Variants in TEX14 observed in about 807,000 individuals in gnomAD.
TEX14 encodes the protein inactive serine/threonine-protein kinase TEX14.
TEX14 carries 168 observed loss-of-function variants against 178.6 expected under a neutral mutation model. The observed-to-expected ratio is 0.94, with a 90% CI of 0.83 to 1.07. The LOEUF is 1.07. Ranked by LOEUF, TEX14 falls within the 50% of genes least tolerant of loss-of-function variation. TEX14 has a pLI of 0.00. For synonymous variants in TEX14, 626 were observed against 634.1 expected (o/e 0.99, Z 0.19); for missense variants, 1,730 against 1,753.6 (o/e 0.99, Z 0.24).
At chr17:58,577,894 G>A (rs1009802766) in intron 20 of TEX14, among the ~76,000 whole-genome samples, 4 of 152,100 alleles carry the variant, frequency 2.6e-5, no homozygotes, top group Non-Finnish European at 4.4e-5. Context: ...AGGTGTGGGC[G>A]TGGGCGTGGG....
At chr17:58,689,307 G>C (rs2047653081) in intron 1 of TEX14, among the ~76,000 whole-genome samples, 1 of 151,956 alleles carries the variant, frequency 6.6e-6, no homozygotes, top group African/African-American at 2.4e-5. Flanking sequence ...TGCAACCTCT[G>C]CCTCCTGGGT....
chr17:58,609,400 C>A (rs1369097986), intron 10 of TEX14, among the ~76,000 whole-genome samples: 1 of 152,170 alleles, frequency 6.6e-6, no homozygotes, highest in African/African-American at 2.4e-5. Flanking sequence ...TGCGCCACCA[C>A]GCCTGGCTAA....
intron 13 of TEX14, 89 bp downstream of exon 13, chr17:58,601,717 C>T: frequency 1.7e-6 from 2 of 1,209,120 alleles, no homozygotes; most frequent in Non-Finnish European, 2.4e-6. Context: ...GTTACATCTA[C>T]AGTTTAGAGG....
At chr17:58,619,354 C>A (rs2045945033) in intron 5 of TEX14, among the ~76,000 whole-genome samples, 1 of 152,232 alleles carries the variant, frequency 6.6e-6, no homozygotes, top group African/African-American at 2.4e-5. Flanking sequence ...AAAACTAACT[C>A]TAGTCATCTA....
At chr17:58,580,601 C>T (rs750925078) in intron 19 of TEX14, among the ~76,000 whole-genome samples, 5 of 152,080 alleles carry the variant, frequency 3.3e-5, no homozygotes, top group Non-Finnish European at 7.4e-5. Flanking sequence ...TGAGCTACCG[C>T]GCCTGGCCTG....
At chr17:58,654,983 G>A (rs1012469591) in intron 1 of TEX14, among the ~76,000 whole-genome samples, 2 of 150,334 alleles carry the variant, frequency 1.3e-5, no homozygotes, top group South Asian at 4.2e-4. Context: ...GGTCTGCTGA[G>A]TTACTCCAAC....
chr17:58,620,602 G>A (rs1054167777), intron 5 of TEX14, among the ~76,000 whole-genome samples: 9 of 151,734 alleles, frequency 5.9e-5, no homozygotes, highest in Admixed American at 6.6e-5. Flanking sequence ...CAAGTGATTC[G>A]CCTGCCTCAG....
rs374631413 is a variant in TEX14, at chr17:58,599,485, G to A, written c.1860C>T (p.Phe620=). The change falls in exon 14 of 32, where the codon TTC becomes TTT. Residue 620 remains phenylalanine, a synonymous_variant. Transcript: ENST00000349033. The stretch of plus-strand genomic sequence containing the variant: ...AGCCTGAGTAGATCTCGTTGATTTC[G>A]AAACTGCAGAGGCTTGGCTGACCTG... ...PSTGQPSLCS[F]EINEIYSGCL... is the part of the protein sequence containing the mutation. The A allele has an allele frequency of 7.5e-6, 12 of 1,604,154 alleles. No homozygotes were observed. The highest frequency in any genetic ancestry group is 2.3e-5 in the East Asian group (1 of 44,444).
chr17:58,687,092 T>C (rs1388366996), intron 1 of TEX14, among the ~76,000 whole-genome samples: 1 of 151,988 alleles, frequency 6.6e-6, no homozygotes, highest in Non-Finnish European at 1.5e-5. Flanking sequence ...GGAGGCTCTA[T>C]GATCAAACAC....
chr17:58,651,953 T>C lies in TEX14; in HGVS notation c.49A>G (p.Thr17Ala). ...GCTTCCAGGGAGTCATTTCTTAAGG[T>C]ACCAAGTTGAACAGGACAGGGGACT... The part of the protein sequence containing the change: ...LPVPCPVQLG[T>A]LRNDSLEAQL... The change falls in exon 2 of 32, where the codon ACC (threonine) becomes GCC (alanine). Residue 17 changes from threonine (T) to alanine (A), a missense_variant. This residue lies in a region of TEX14 where 789 missense variants were observed against 681.2 expected (regional missense o/e 1.16). Coordinates refer to ENST00000349033, the MANE Select transcript of TEX14 (RefSeq NM_031272.5). 1 of 1,613,326 alleles carries C rather than the reference T, an allele frequency of 6.2e-7. No homozygotes were observed. Among genetic ancestry groups the C allele is most frequent in the Admixed American group, 1.7e-5 (1 of 59,720 alleles).
At chr17:58,639,839 G>A (rs1023620443) in intron 2 of TEX14, among the ~76,000 whole-genome samples, 1 of 152,182 alleles carries the variant, frequency 6.6e-6, no homozygotes. Context: ...CACCATGACC[G>A]TGGCAGGAAA....
intron 30 of TEX14, among the ~76,000 whole-genome samples, chr17:58,559,125 G>A (rs1351585470): frequency 2.0e-5 from 3 of 152,086 alleles, no homozygotes; most frequent in African/African-American, 4.8e-5. Flanking sequence ...AGCCGAGATC[G>A]TGCCACTGCA....
chr17:58,587,962 A>G lies in TEX14; in HGVS notation c.2636T>C (p.Leu879Pro). Residue 879 changes from leucine to proline, a missense_variant, in exon 16 of 32, where the codon CTC becomes CCC. Leu to Pro is a moderately conservative substitution (Grantham distance 98, BLOSUM62 -3). Around this residue, in one of 2 missense-constraint regions of TEX14, gnomAD observed 941 missense variants for 1,072.4 expected, o/e 0.88. Transcript: ENST00000349033. ...QAKATQFNSALFTLSSHRQGP... is the reference protein window; with the variant it reads ...QAKATQFNSAPFTLSSHRQGP... ...CTGCCGGTGGCTTGACAGAGTGAAG[A>G]GTGCACTATTAAACTGTGTGGCTTT... 2 of 1,610,518 alleles carry G rather than the reference A, an allele frequency of 1.2e-6. No individual in the cohort carries two copies. Among genetic ancestry groups the G allele is most frequent in the South Asian group, 1.1e-5 (1 of 91,006 alleles).
rs751055136 is a variant in TEX14, at chr17:58,593,656, C to T, written c.2475G>A (p.Pro825=). The T allele has an allele frequency of 5.0e-6, 8 of 1,613,834 alleles. No homozygotes were observed. The highest frequency in any genetic ancestry group is 3.3e-4 in the Middle Eastern group (2 of 6,058). The change falls in exon 15 of 32, where the codon CCG becomes CCA. Residue 825 remains proline, a synonymous_variant. Coordinates refer to ENST00000349033, the MANE Select transcript of TEX14 (RefSeq NM_031272.5). ...TCTGTTTTCCAGGGTCACAAAGAGT[C>T]GGCAGCTTAAAAAGCAATAAACATG... ...PTLPRFPRML[P]TLCDPGKQNT...
intron 9 of TEX14, among the ~76,000 whole-genome samples, chr17:58,612,487 C>A (rs2045769041): frequency 6.6e-6 from 1 of 152,004 alleles, no homozygotes; most frequent in South Asian, 2.1e-4. Flanking sequence ...GAAATCCCAG[C>A]ACTTTAGGAG....
chr17:58,598,774 A>G (rs1253089021), intron 14 of TEX14, 102 bp downstream of exon 14: 1 of 1,131,378 alleles, frequency 8.8e-7, no homozygotes, highest in East Asian at 2.3e-5. Context: ...TCTCTGACTG[A>G]TCCCCAGTGT....
intron 1 of TEX14, among the ~76,000 whole-genome samples, chr17:58,688,873 T>C (rs1201952659): frequency 6.6e-6 from 1 of 152,162 alleles, no homozygotes; most frequent in Non-Finnish European, 1.5e-5. Context: ...CCTCATACTT[T>C]TCTCTTAAAT....
chr17:58,668,689 C>A (rs1247670571), intron 1 of TEX14, among the ~76,000 whole-genome samples: 2 of 152,048 alleles, frequency 1.3e-5, no homozygotes, highest in Non-Finnish European at 2.9e-5. Context: ...GAGAGGACTT[C>A]TTTTTTTTAT....
At chr17:58,618,652 G>A (rs2045930491) in intron 5 of TEX14, among the ~76,000 whole-genome samples, 1 of 152,242 alleles carries the variant, frequency 6.6e-6, no homozygotes, top group African/African-American at 2.4e-5. Flanking sequence ...AATGGCAAAG[G>A]AGCTGGGAGA....
Sources: allele counts gnomAD v4.1 joint callset (sites outside exome capture counted in the v4.1 genomes callset), GRCh38; gene constraint gnomAD v4.1.1; regional missense constraint gnomAD v4.1.1; transcripts MANE v1.5; gene names NCBI Gene and HGNC (gene_info 2026-07-23, HGNC 2026-07-21).